NXPE3: variants seen among roughly 807,000 people sequenced by gnomAD.
NXPE3 encodes the protein neurexophilin and PC-esterase domain family member 3.
In NXPE3, 26 loss-of-function variants were observed where a neutral mutation model predicts 46.1. The observed-to-expected ratio is 0.56, with a 90% confidence interval of 0.41 to 0.78. The LOEUF is 0.78. Ranked by LOEUF, NXPE3 falls within the 30% of genes least tolerant of loss-of-function variation. NXPE3 has a pLI of 0.00. For missense variants in NXPE3, 620 were observed against 686.0 expected, an observed-to-expected ratio of 0.90 and a Z score of 1.07; for synonymous variants, 272 against 257.9, an observed-to-expected ratio of 1.05 and a Z score of -0.52.
Position 101,801,428 on chromosome 3 carries a change from C to CCTT in NXPE3, c.288_290dup (p.Phe97dup), listed in dbSNP as rs1386332314. On this transcript the variant is annotated inframe_insertion, in exon 5 of 8. Coordinates refer to ENST00000273347, the MANE Select transcript of NXPE3 (RefSeq NM_145037.4). ...CAGGTTCCTGATGTGGGCCCAGTCC[C>CCTT]CTTTGTGAAGAGCACTGACCCTTCT... 5 of 1,614,042 alleles carry CCTT rather than the reference C, an allele frequency of 3.1e-6. No homozygotes were observed. Among genetic ancestry groups the CCTT allele is most frequent in the Non-Finnish European group, 1.7e-6 (2 of 1,180,036 alleles).
At chr3:101,794,030 T>G (rs1310218089) in intron 4 of NXPE3, among the ~76,000 whole-genome samples, 3 of 152,096 alleles carry the variant, frequency 2.0e-5, no homozygotes, top group African/African-American at 7.2e-5. Flanking sequence ...TCATCTCGTT[T>G]GTTTACTGTC....
Position 101,801,354 on chromosome 3 carries a change from C to T in NXPE3, c.213C>T (p.Ser71=), listed in dbSNP as rs1373554655. The change falls in exon 5 of 8, where the codon TCC becomes TCT. Residue 71 remains serine, a synonymous_variant. Coordinates refer to ENST00000273347, the MANE Select transcript of NXPE3 (RefSeq NM_145037.4). The part of the protein sequence containing the change: ...PYCGYDQQTL[S]SQERMEEDSL... ...GTGGCTATGATCAGCAGACCCTGTC[C>T]AGCCAGGAGCGCATGGAGGAGGACT... The T allele has an allele frequency of 1.2e-6, 2 of 1,614,208 alleles. No individual in the cohort carries two copies. Among genetic ancestry groups the T allele is most frequent in the Non-Finnish European group, 1.7e-6 (2 of 1,180,040 alleles).
At chr3:101,788,514 T>TA (rs1398151328) in intron 4 of NXPE3, among the ~76,000 whole-genome samples, 1 of 152,242 alleles carries the variant, frequency 6.6e-6, no homozygotes, top group Non-Finnish European at 1.5e-5. Context: ...TTTTAGCTCT[T>TA]ACGTTTAGGT....
intron 7 of NXPE3, among the ~76,000 whole-genome samples, chr3:101,820,676 C>T (rs1942205239): frequency 6.6e-6 from 1 of 152,266 alleles, no homozygotes; most frequent in South Asian, 2.1e-4. Context: ...TACATATGTA[C>T]CATGGAATAC....
At chr3:101,792,503 C>T (rs534787625) in intron 4 of NXPE3, among the ~76,000 whole-genome samples, 7 of 152,140 alleles carry the variant, frequency 4.6e-5, no homozygotes, top group Admixed American at 6.6e-5. Flanking sequence ...ATTCCAGCAC[C>T]GTTTATTGAA....
At chr3:101,809,285 A>G (rs900174698) in intron 6 of NXPE3, among the ~76,000 whole-genome samples, 2 of 152,216 alleles carry the variant, frequency 1.3e-5, no homozygotes, top group African/African-American at 4.8e-5. Context: ...TGTAACAGGT[A>G]TATAACTGGA....
At chr3:101,787,229 T>C (rs1242113745) in intron 4 of NXPE3, among the ~76,000 whole-genome samples, 4 of 152,210 alleles carry the variant, frequency 2.6e-5, no homozygotes, top group Admixed American at 6.5e-5. Context: ...TTCACTCTTC[T>C]ACTTTGTGTC....
chr3:101,789,667 C>CT, intron 4 of NXPE3, among the ~76,000 whole-genome samples: 1 of 152,114 alleles, frequency 6.6e-6, no homozygotes, highest in African/African-American at 2.4e-5. Context: ...TCTAATTTCC[C>CT]TTTTTCTTTT....
intron 6 of NXPE3, among the ~76,000 whole-genome samples, chr3:101,808,843 A>ATATATATATATATATG (rs1941567629): frequency 9.3e-6 from 1 of 107,758 alleles, no homozygotes; most frequent in Non-Finnish European, 1.8e-5. Flanking sequence ...ATATATATAT[A>ATATATATATATATATG]TATATATATA....
At chr3:101,809,283 G>A (rs1040073726) in intron 6 of NXPE3, among the ~76,000 whole-genome samples, 26 of 152,148 alleles carry the variant, frequency 1.7e-4, no homozygotes, top group Non-Finnish European at 2.6e-4. Flanking sequence ...GTTGTAACAG[G>A]TATATAACTG....
At chr3:101,791,964 C>T (rs1940543792) in intron 4 of NXPE3, among the ~76,000 whole-genome samples, 2 of 152,104 alleles carry the variant, frequency 1.3e-5, no homozygotes, top group Admixed American at 1.3e-4. Context: ...TATTTTTTGA[C>T]TTTTTAATAA....
At chr3:101,788,892 G>C (rs1940345752) in intron 4 of NXPE3, among the ~76,000 whole-genome samples, 1 of 151,804 alleles carries the variant, frequency 6.6e-6, no homozygotes, top group African/African-American at 2.4e-5. Context: ...CTGGGATTAC[G>C]AGCATGAGCC....
At chr3:101,814,373 A>G (rs1941870483) in intron 6 of NXPE3, among the ~76,000 whole-genome samples, 1 of 152,230 alleles carries the variant, frequency 6.6e-6, no homozygotes, top group African/African-American at 2.4e-5. Flanking sequence ...CATGCCCCCG[A>G]CAATTTTTCT....
At chr3:101,809,224 T>G (rs1460918917) in intron 6 of NXPE3, among the ~76,000 whole-genome samples, 1 of 152,108 alleles carries the variant, frequency 6.6e-6, no homozygotes, top group African/African-American at 2.4e-5. Context: ...AAAGTAACTA[T>G]GAATTAGTAG....
At chr3:101,792,037 T>C (rs1325150841) in intron 4 of NXPE3, among the ~76,000 whole-genome samples, 2 of 152,188 alleles carry the variant, frequency 1.3e-5, no homozygotes, top group Non-Finnish European at 2.9e-5. Flanking sequence ...TAATGATCAG[T>C]GATATTGAGC....
At chr3:101,807,812 T>A (rs1446965865) in intron 6 of NXPE3, among the ~76,000 whole-genome samples, 1 of 152,150 alleles carries the variant, frequency 6.6e-6, no homozygotes, top group Non-Finnish European at 1.5e-5. Flanking sequence ...AATAACTATA[T>A]GTAGACAGCA....
At chr3:101,788,621 A>C (rs900850475) in intron 4 of NXPE3, among the ~76,000 whole-genome samples, 2 of 152,156 alleles carry the variant, frequency 1.3e-5, no homozygotes, top group African/African-American at 4.8e-5. Context: ...AGTAGCATTA[A>C]GTCTTTTTTT....
chr3:101,810,520 T>C (rs1941659999), intron 6 of NXPE3, among the ~76,000 whole-genome samples: 2 of 152,222 alleles, frequency 1.3e-5, no homozygotes, highest in South Asian at 4.1e-4. Flanking sequence ...GATTATGTTA[T>C]ATGACAAAGT....
Position 101,821,946 on chromosome 3 carries a change from G to A in NXPE3, c.1672G>A (p.Glu558Lys), listed in dbSNP as rs1291209281. The change falls in exon 8 of 8, where the codon GAA becomes AAA. Residue 558 changes from glutamate to lysine, a missense_variant. Coordinates refer to ENST00000273347, the MANE Select transcript of NXPE3 (RefSeq NM_145037.4). The stretch of plus-strand genomic sequence containing the variant: ...GTTCTTGTCCTTTGTGTGCCCCTTG[G>A]AAACCTAGCCTGTCTTGGAAGGGAC... ...DMFLSFVCPL[E>K]T The A allele has an allele frequency of 6.2e-7, 1 of 1,612,708 alleles. No homozygotes were observed. Among genetic ancestry groups the A allele is most frequent in the Non-Finnish European group, 8.5e-7 (1 of 1,178,852 alleles).
Sources: allele counts gnomAD v4.1 joint callset (sites outside exome capture counted in the v4.1 genomes callset), GRCh38; gene constraint gnomAD v4.1.1; transcripts MANE v1.5; gene names NCBI Gene and HGNC (gene_info 2026-07-23, HGNC 2026-07-21).